Variants in DYNC2LI1 observed in about 807,000 individuals in gnomAD.
DYNC2LI1 encodes cytoplasmic dynein 2 light intermediate chain 1.
DYNC2LI1 carries 45 observed loss-of-function variants against 51.9 expected under a neutral mutation model. That is an observed-to-expected ratio of 0.87 (90% CI 0.68 to 1.11). The LOEUF is 1.11. DYNC2LI1 is among the 50% of genes most tolerant of loss of function. DYNC2LI1 has a pLI of 0.00. For synonymous variants in DYNC2LI1, 130 were observed against 137.8 expected, an observed-to-expected ratio of 0.94 and a Z score of 0.40; for missense variants, 490 against 417.4, an observed-to-expected ratio of 1.17 and a Z score of -1.51.
chr2:43,778,319 A>G (rs58290925), intron 2 of DYNC2LI1, among the ~76,000 whole-genome samples: 26,508 of 151,764 alleles, frequency 0.17, 2,466 homozygotes, highest in Middle Eastern at 0.25. Context: ...CACCCGGCTA[A>G]TTTTTTGTAT....
intron 2 of DYNC2LI1, among the ~76,000 whole-genome samples, chr2:43,782,547 T>TA (rs779034508): frequency 4.2e-3 from 535 of 127,410 alleles, no homozygotes; most frequent in East Asian, 0.016. Flanking sequence ...GTCTTTTCTT[T>TA]AAAAAAAAAA....
At chr2:43,811,885 C>T (rs1002486949), downstream of DYNC2LI1, among the ~76,000 whole-genome samples, 6 of 152,162 alleles carry the variant, frequency 3.9e-5, no homozygotes, top group Non-Finnish European at 8.8e-5. Flanking sequence ...TGAGCCACCG[C>T]GCCTGGCCAG....
Position 43,800,847 on chromosome 2 carries a change from A to T in DYNC2LI1, c.661A>T (p.Ser221Cys). 1 of 1,587,416 alleles carries T rather than the reference A, an allele frequency of 6.3e-7. No individual in the cohort carries two copies. The highest frequency in any genetic ancestry group is 8.6e-7 in the Non-Finnish European group (1 of 1,163,848). The change falls in exon 9 of 13, where the codon AGT becomes TGT. Residue 221 changes from serine to cysteine, a missense_variant. Physicochemically the swap from Ser to Cys is moderately radical, Grantham distance 112 (BLOSUM62 -1). Coordinates refer to ENST00000260605, the MANE Select transcript of DYNC2LI1 (RefSeq NM_016008.4). ...TCTCCTGATTTGTTTAAAGTTTACCAGTAAATCAGAAGCTCTATTACTAAA... is the reference window on the plus strand; with the variant it reads ...TCTCCTGATTTGTTTAAAGTTTACCTGTAAATCAGAAGCTCTATTACTAAA... Reference protein sequence around the residue: ...HYYGASLMFTSKSEALLLKIR... With the variant: ...HYYGASLMFTCKSEALLLKIR...
At chr2:43,810,360 A>G (rs549825034), downstream of DYNC2LI1, 492 of 985,314 alleles carry the variant, frequency 5.0e-4, no homozygotes, top group Non-Finnish European at 5.5e-4. Flanking sequence ...TTTATTTTAA[A>G]TACCACTTTT....
the DYNC2LI1 span, chr2:43,822,931 G>A: frequency 9.5e-5 from 154 of 1,613,774 alleles, no homozygotes; most frequent in Middle Eastern, 1.7e-4. Flanking sequence ...CTCGCAGCAC[G>A]GGAACTGGGG....
the DYNC2LI1 span, among the ~76,000 whole-genome samples, chr2:43,820,333 G>A: frequency 2.0e-5 from 3 of 152,060 alleles, no homozygotes; most frequent in Non-Finnish European, 4.4e-5. Flanking sequence ...TCCCTTTCAC[G>A]GCTCCTTCAG....
chr2:43,818,671 C>G, the DYNC2LI1 span, among the ~76,000 whole-genome samples: 1 of 152,126 alleles, frequency 6.6e-6, no homozygotes, highest in Non-Finnish European at 1.5e-5. Flanking sequence ...TAAATATTAA[C>G]AATCCACTTA....
In DYNC2LI1 at chr2:43,796,043, A is replaced by G. The variant is rs1049539811; in HGVS notation, c.576+85A>G. 4.2e-6 allele frequency: 4 copies of G among 958,042 alleles called. No homozygotes were observed. The East Asian group carries it at 1.0e-4, about 24-fold the overall frequency. 59.3% of individuals were successfully genotyped at this position (958,042 alleles called of 1,614,324 possible). On this transcript the variant is annotated intron_variant, in intron 7 of 12. Transcript: ENST00000260605. Reference sequence around the variant, plus strand: ...GGAGGTACAAAAATAATATCAAAATAAGAAAAATAATTATTGAAGGAATCG... The same window carrying G: ...GGAGGTACAAAAATAATATCAAAATGAGAAAAATAATTATTGAAGGAATCG...
intron 2 of DYNC2LI1, chr2:43,781,890 C>A (rs1470946438): frequency 6.6e-6 from 1 of 152,114 alleles, no homozygotes; most frequent in Admixed American, 6.6e-5. Context: ...GCGTGAGCCA[C>A]CATGCCTGGC....
At chr2:43,817,417 GGAGGTTGCAGTGAGCCGA>G in the DYNC2LI1 span, among the ~76,000 whole-genome samples, 1 of 152,050 alleles carries the variant, frequency 6.6e-6, no homozygotes, top group Non-Finnish European at 1.5e-5. Context: ...CCTGAGAGAC[GGAGGTTGCAGTGAGCCGA>G]GATCGTGCCA....
At chr2:43,796,067 C>T (rs1036922140) in intron 7 of DYNC2LI1, 109 bp downstream of exon 7, 7 of 805,626 alleles carry the variant, frequency 8.7e-6, no homozygotes, top group African/African-American at 3.5e-5. Flanking sequence ...TTGAAGGAAT[C>T]GGTTAAGTCA....
At chr2:43,822,562 A>C in the DYNC2LI1 span, 2 of 983,344 alleles carry the variant, frequency 2.0e-6, no homozygotes, top group African/African-American at 3.5e-5. Flanking sequence ...GGGACAGGTC[A>C]TTCCCAGGCA....
chr2:43,813,243 T>G (rs369053191), downstream of DYNC2LI1: 1 of 1,613,888 alleles, frequency 6.2e-7, no homozygotes, highest in East Asian at 2.2e-5. Context: ...GCAGGTTTTC[T>G]CAATGAATTG....
chr2:43,800,065 G>A (rs1249530141), intron 8 of DYNC2LI1, among the ~76,000 whole-genome samples: 4 of 152,176 alleles, frequency 2.6e-5, no homozygotes, highest in Non-Finnish European at 4.4e-5. Context: ...TCAGTTCAAA[G>A]TTGTTTTTCC....
At chr2:43,825,469 GT>G in the DYNC2LI1 span, among the ~76,000 whole-genome samples, 1 of 152,136 alleles carries the variant, frequency 6.6e-6, no homozygotes, top group Admixed American at 6.5e-5. Flanking sequence ...GAGAAAGTGA[GT>G]TTTTTTGGAA....
Position 43,789,585 on chromosome 2 carries a change from T to C in DYNC2LI1, c.232-48T>C, listed in dbSNP as rs1483829587. On this transcript the variant is annotated intron_variant, in intron 4 of 12. Transcript: ENST00000260605. ...TTATTACTGGGAAGTGCTAATGACA[T>C]ATAAGAAGTACTTAAACTTCAAAAA... 6 of 1,426,512 alleles carry C rather than the reference T, an allele frequency of 4.2e-6. No homozygotes were observed. The Admixed American group carries it at 5.1e-5, about 12-fold the overall frequency. The allele number at this position is 1,426,512 out of a possible 1,614,324, so 88.4% of individuals were successfully genotyped here.
chr2:43,822,541 G>C, the DYNC2LI1 span: 1 of 981,850 alleles, frequency 1.0e-6, no homozygotes, highest in Non-Finnish European at 1.2e-6. Flanking sequence ...CCCAGGCCCT[G>C]CCGTGAATGT....
chr2:43,779,349 T>C (rs796100750), intron 2 of DYNC2LI1, among the ~76,000 whole-genome samples: 14 of 152,352 alleles, frequency 9.2e-5, no homozygotes, highest in African/African-American at 3.4e-4. Flanking sequence ...ATGCTTCTAT[T>C]GTTCAATTAA....
intron 6 of DYNC2LI1, 172 bp downstream of exon 6, chr2:43,794,815 A>G: frequency 5.5e-6 from 8 of 1,464,006 alleles, no homozygotes; most frequent in Non-Finnish European, 7.2e-6. Flanking sequence ...TAAGAGCAAA[A>G]CAAGGAAGAA....
Sources: allele counts gnomAD v4.1 joint callset (sites outside exome capture counted in the v4.1 genomes callset), GRCh38; gene constraint gnomAD v4.1.1; transcripts MANE v1.5; gene names NCBI Gene and HGNC (gene_info 2026-07-23, HGNC 2026-07-21).